The following ROBO2 variants were observed in gnomAD, a reference collection of about 807,000 sequenced individuals.
ROBO2 encodes roundabout guidance receptor 2.
A neutral mutation model predicts 160.8 loss-of-function variants in ROBO2; 53 were observed. The ratio of observed to expected loss-of-function variants is 0.33; its 90% CI spans 0.26 to 0.41. The LOEUF is 0.41. Among genes scored for constraint, ROBO2 ranks in the 10% least tolerant of loss-of-function variants. The pLI is 1.00. For synonymous variants in ROBO2, 664 were observed against 611.7 expected (o/e 1.09, Z -1.26); for missense variants, 1,577 against 1,722.4 (o/e 0.92, Z 1.49).
intron 2 of ROBO2, among the ~76,000 whole-genome samples, chr3:76,156,082 A>G (rs1167524862): frequency 1.3e-5 from 2 of 149,216 alleles, no homozygotes; most frequent in Admixed American, 6.7e-5. Flanking sequence ...ATTTTTGACA[A>G]TTTTTTTTTT....
intron 2 of ROBO2, among the ~76,000 whole-genome samples, chr3:76,097,035 A>G (rs1238308491): frequency 3.3e-5 from 5 of 152,114 alleles, no homozygotes; most frequent in African/African-American, 7.3e-5. Context: ...TGTCTGCTAC[A>G]TTACTCAGCA....
rs372616989 is a variant in ROBO2, at chr3:76,351,946, G to C, written c.109+414344G>C. On this transcript the variant is annotated intron_variant, in intron 2 of 26. Transcript: ENST00000487694. ...GGGACATAGCCGCTGTTCAATTAAT[G>C]TTAATAACTTTACAATGTCATAACT... Among the ~76,000 whole-genome samples, 14 of 152,082 alleles carry C rather than the reference G, an allele frequency of 9.2e-5. No homozygotes were observed. The South Asian group carries it at 2.9e-3, about 32-fold the overall frequency.
At chr3:76,023,878 C>A (rs80292706) in intron 2 of ROBO2, among the ~76,000 whole-genome samples, 2 of 151,364 alleles carry the variant, frequency 1.3e-5, no homozygotes, top group Non-Finnish European at 3.0e-5. Context: ...AAACAAGGTA[C>A]GCTTGCCATT....
In ROBO2 at chr3:77,291,417, G is replaced by A. The variant is rs137856450; in HGVS notation, c.389-185997G>A. Among the ~76,000 whole-genome samples, 1,379 of 151,802 alleles carry A rather than the reference G, an allele frequency of 9.1e-3. 3 individuals are homozygous for A. The highest frequency in any genetic ancestry group is 0.016 in the African/African-American group (673 of 41,336). Reference sequence around the variant, plus strand: ...CATAAAGTAAAATTGATAGTTAAACGGGTAAGCTGAGGCTAGATCACCCCA... The same window carrying A: ...CATAAAGTAAAATTGATAGTTAAACAGGTAAGCTGAGGCTAGATCACCCCA... On this transcript the variant is annotated intron_variant, in intron 2 of 25. Coordinates refer to ENST00000461745, the Ensembl canonical transcript of ROBO2.
chr3:76,309,750 T>C lies in ROBO2; in HGVS notation c.109+372148T>C, dbSNP rs1026866618. Among the ~76,000 whole-genome samples the C allele has an allele frequency of 2.0e-5, 3 of 151,952 alleles. No homozygotes were observed. The East Asian group carries it at 5.8e-4, about 29-fold the overall frequency. ...ACATATACTAACATGTAGACAGATT[T>C]AAAATAGTAGCCAGAATGTTTTGAT... On this transcript the variant is annotated intron_variant, in intron 2 of 26. Transcript: ENST00000487694.
intron 2 of ROBO2, among the ~76,000 whole-genome samples, chr3:77,111,618 C>T (rs1311093813): frequency 6.6e-6 from 1 of 152,004 alleles, no homozygotes; most frequent in Non-Finnish European, 1.5e-5. Context: ...ATCTTCATAT[C>T]TTTGATTTTT....
intron 2 of ROBO2, among the ~76,000 whole-genome samples, chr3:75,961,769 A>G (rs1007104803): frequency 6.6e-6 from 1 of 151,678 alleles, no homozygotes; most frequent in African/African-American, 2.4e-5. Flanking sequence ...ATTGAGAAAG[A>G]TTGAGGAGAA....
intron 2 of ROBO2, among the ~76,000 whole-genome samples, chr3:76,922,744 G>A (rs1022934690): frequency 2.0e-5 from 3 of 152,168 alleles, no homozygotes; most frequent in South Asian, 2.1e-4. Flanking sequence ...CCCAGCCGCC[G>A]ATTGTGATGG....
At chr3:77,446,103 T>C (rs1184497957) in intron 2 of ROBO2, among the ~76,000 whole-genome samples, 1 of 152,088 alleles carries the variant, frequency 6.6e-6, no homozygotes, top group Non-Finnish European at 1.5e-5. Context: ...TTGAATTATT[T>C]GCTAATTGTG....
At chr3:76,402,579 T>TTA (rs1448663313) in intron 2 of ROBO2, among the ~76,000 whole-genome samples, 6 of 151,668 alleles carry the variant, frequency 4.0e-5, no homozygotes, top group Admixed American at 2.0e-4. Context: ...GTAGGTTGCA[T>TTA]TATTTTCTGG....
intron 2 of ROBO2, among the ~76,000 whole-genome samples, chr3:76,571,494 T>TA (rs1192897801): frequency 6.6e-6 from 1 of 152,136 alleles, no homozygotes; most frequent in Non-Finnish European, 1.5e-5. Context: ...AACCAGTAGT[T>TA]AACTTCATGA....
chr3:77,646,044 C>T lies in ROBO2; in HGVS notation c.4136-10C>T, dbSNP rs1294299728. The T allele has an allele frequency of 6.3e-7, 1 of 1,587,002 alleles. No individual in the cohort carries two copies. The highest frequency in any genetic ancestry group is 1.7e-5 in the Admixed American group (1 of 59,124). ...TTATATTTTATTTCTACTTTTTTCT[C>T]TTTCTTTAGAGTAAATGAGAGGAGA... On this transcript the variant is annotated splice_polypyrimidine_tract_variant and intron_variant, in intron 25 of 25. Coordinates refer to ENST00000461745, the Ensembl canonical transcript of ROBO2.
chr3:77,603,908 C>T (rs926068361), intron 20 of ROBO2: 2 of 151,992 alleles, frequency 1.3e-5, no homozygotes, highest in African/African-American at 4.8e-5. Flanking sequence ...TAACTATATG[C>T]TATTTGTTTG....
At chr3:76,712,325 C>T (rs773956237) in intron 2 of ROBO2, among the ~76,000 whole-genome samples, 10 of 151,930 alleles carry the variant, frequency 6.6e-5, no homozygotes, top group Non-Finnish European at 1.5e-4. Flanking sequence ...TTATCTTTAT[C>T]TTCTATAGTG....
chr3:77,504,813 G>A (rs1489943418), intron 5 of ROBO2, among the ~76,000 whole-genome samples: 1 of 152,116 alleles, frequency 6.6e-6, no homozygotes, highest in East Asian at 1.9e-4. Flanking sequence ...TATTAAATAA[G>A]GTGAACTATA....
intron 2 of ROBO2, among the ~76,000 whole-genome samples, chr3:77,291,957 C>T (rs1383176131): frequency 6.6e-6 from 1 of 151,550 alleles, no homozygotes; most frequent in Non-Finnish European, 1.5e-5. Context: ...TAAGCTGAGA[C>T]TAGATCACCC....
chr3:77,136,262 A>G (rs2076268413), intron 2 of ROBO2, among the ~76,000 whole-genome samples: 1 of 152,090 alleles, frequency 6.6e-6, no homozygotes, highest in Non-Finnish European at 1.5e-5. Context: ...CTTTTCATAA[A>G]ATAATAGATT....
intron 2 of ROBO2, among the ~76,000 whole-genome samples, chr3:76,559,011 C>A (rs1197250187): frequency 6.6e-6 from 1 of 152,040 alleles, no homozygotes; most frequent in Non-Finnish European, 1.5e-5. Flanking sequence ...GACCACATAT[C>A]CAGGGTAACA....
At chr3:76,513,947 AT>A (rs916264295) in intron 2 of ROBO2, among the ~76,000 whole-genome samples, 7 of 152,298 alleles carry the variant, frequency 4.6e-5, no homozygotes, top group African/African-American at 1.7e-4. Flanking sequence ...GTTAACAATC[AT>A]TTTTTAATGT....
Sources: allele counts gnomAD v4.1 joint callset (sites outside exome capture counted in the v4.1 genomes callset), GRCh38; gene constraint gnomAD v4.1.1; transcripts MANE v1.5; gene names NCBI Gene and HGNC (gene_info 2026-07-23, HGNC 2026-07-21).